The following GRM7 variants were observed in gnomAD, a reference collection of about 807,000 sequenced individuals.
The protein encoded by GRM7 is metabotropic glutamate receptor 7.
In GRM7, 35 loss-of-function variants were observed where a neutral mutation model predicts 84.5. The ratio of observed to expected loss-of-function variants is 0.41; its 90% CI spans 0.32 to 0.55. GRM7 has a LOEUF of 0.55. Ranked by LOEUF, GRM7 falls within the 20% of genes least tolerant of loss-of-function variation. GRM7 has a pLI of 0.19. For missense variants in GRM7, 1,003 were observed against 1,194.6 expected (o/e 0.84, Z 2.36); for synonymous variants, 487 against 455.1 (o/e 1.07, Z -0.89).
intron 4 of GRM7, among the ~76,000 whole-genome samples, chr3:7,348,338 C>T (rs1290949930): frequency 6.6e-6 from 1 of 152,096 alleles, no homozygotes; most frequent in African/African-American, 2.4e-5. Context: ...TCCTAATTTC[C>T]ATAGTCACAT....
intron 1 of GRM7, among the ~76,000 whole-genome samples, chr3:7,023,042 A>C (rs1047646320): frequency 2.0e-4 from 31 of 151,928 alleles, no homozygotes; most frequent in African/African-American, 6.0e-4. Flanking sequence ...ATGGATGGAC[A>C]TGGGAGGTGG....
At chr3:7,499,940 A>T (rs1182111702) in intron 7 of GRM7, among the ~76,000 whole-genome samples, 1 of 152,006 alleles carries the variant, frequency 6.6e-6, no homozygotes, top group Non-Finnish European at 1.5e-5. Context: ...ACGCCCGGCT[A>T]ATTTTTTGTA....
intron 1 of GRM7, among the ~76,000 whole-genome samples, chr3:7,020,583 G>A (rs1385421401): frequency 1.3e-5 from 2 of 152,078 alleles, no homozygotes; most frequent in Non-Finnish European, 2.9e-5. Context: ...TTTATACAAG[G>A]TACCCACACA....
At chr3:7,106,814 A>G (rs186087342) in intron 1 of GRM7, among the ~76,000 whole-genome samples, 5 of 152,164 alleles carry the variant, frequency 3.3e-5, no homozygotes, top group Admixed American at 3.3e-4. Flanking sequence ...TTCTATTTAC[A>G]ATGGCTATGA....
intron 7 of GRM7, among the ~76,000 whole-genome samples, chr3:7,492,783 A>G (rs994896588): frequency 2.0e-5 from 3 of 151,890 alleles, no homozygotes; most frequent in Non-Finnish European, 4.4e-5. Context: ...TCAGAGTATT[A>G]TTTTGACAAC....
At chr3:7,715,985 G>T (rs1701759095) in intron 9 of GRM7, among the ~76,000 whole-genome samples, 1 of 152,050 alleles carries the variant, frequency 6.6e-6, no homozygotes, top group Non-Finnish European at 1.5e-5. Flanking sequence ...CTCCTCCCCA[G>T]TGTTATTCTC....
At chr3:7,247,223 A>T (rs1697797764) in intron 2 of GRM7, among the ~76,000 whole-genome samples, 1 of 152,148 alleles carries the variant, frequency 6.6e-6, no homozygotes, top group Non-Finnish European at 1.5e-5. Flanking sequence ...GAATATATTC[A>T]TGACTTTGGG....
At chr3:6,957,128 C>G (rs966806998) in intron 1 of GRM7, among the ~76,000 whole-genome samples, 2 of 152,144 alleles carry the variant, frequency 1.3e-5, no homozygotes, top group Non-Finnish European at 2.9e-5. Flanking sequence ...TTTAAGATTG[C>G]CTTTGGACCC....
chr3:6,935,688 T>C (rs1697665903), intron 1 of GRM7, among the ~76,000 whole-genome samples: 1 of 145,046 alleles, frequency 6.9e-6, no homozygotes, highest in Non-Finnish European at 1.5e-5. Context: ...ATTATTATTA[T>C]TATTATTATT....
At chr3:7,309,753 G>C (rs984122) in intron 4 of GRM7, among the ~76,000 whole-genome samples, 26,111 of 152,008 alleles carry the variant, frequency 0.17, 6,652 homozygotes, top group African/African-American at 0.56. Context: ...GGGAACTTTA[G>C]TGTTTCTTAG....
In GRM7 at chr3:6,955,265, G is replaced by T. The variant is rs145129023; in HGVS notation, c.519+93358G>T. Among the ~76,000 whole-genome samples, 3 of 152,324 alleles carry T rather than the reference G, an allele frequency of 2.0e-5. No homozygotes were observed. In the South Asian group the frequency reaches 6.2e-4, roughly 32 times the overall value. ...AAGAATAGAATGACGGCCGGGGCTG[G>T]TGGCTTACGCCTGTAATCCCAGCAC... is the stretch of plus-strand genomic sequence containing the variant. On this transcript the variant is annotated intron_variant, in intron 1 of 9. Transcript: ENST00000357716.
intron 1 of GRM7, among the ~76,000 whole-genome samples, chr3:7,003,924 T>C (rs1575119618): frequency 1.3e-5 from 2 of 152,300 alleles, no homozygotes; most frequent in East Asian, 1.9e-4. Flanking sequence ...TTGTCTGGCA[T>C]TGGAGGCTCT....
chr3:6,984,851 T>C (rs1395786429), intron 1 of GRM7, among the ~76,000 whole-genome samples: 1 of 152,192 alleles, frequency 6.6e-6, no homozygotes, highest in South Asian at 2.1e-4. Flanking sequence ...CTTTTTCCCA[T>C]TGGAACTGAG....
chr3:7,684,521 A>G (rs1014778563), intron 9 of GRM7, among the ~76,000 whole-genome samples: 17 of 152,166 alleles, frequency 1.1e-4, no homozygotes, highest in Admixed American at 8.5e-4. Flanking sequence ...CATCTGGTGC[A>G]TGCATGCTTC....
At chr3:7,470,149 T>C (rs1698640274) in intron 7 of GRM7, among the ~76,000 whole-genome samples, 1 of 152,194 alleles carries the variant, frequency 6.6e-6, no homozygotes. Context: ...CCCACTAGCA[T>C]TTTATTTCAT....
intron 1 of GRM7, among the ~76,000 whole-genome samples, chr3:6,983,338 G>A (rs1034634187): frequency 3.3e-5 from 5 of 152,118 alleles, no homozygotes; most frequent in African/African-American, 1.2e-4. Context: ...AATTAGGCCT[G>A]ATATTTTCAG....
intron 5 of GRM7, among the ~76,000 whole-genome samples, chr3:7,439,825 T>C (rs36069901): frequency 0.35 from 52,891 of 151,548 alleles, 10,692 homozygotes; most frequent in Non-Finnish European, 0.48. Flanking sequence ...TAAGGTTGCA[T>C]TGAGGAGTAG....
At chr3:7,738,043 T>C (rs1392748243) in intron 9 of GRM7, among the ~76,000 whole-genome samples, 9 of 152,070 alleles carry the variant, frequency 5.9e-5, no homozygotes, top group African/African-American at 2.2e-4. Context: ...GAGATGGGGT[T>C]TCACCATGTT....
rs58274974 is a variant in GRM7, at chr3:6,898,825, CAA to C, written c.519+36929_519+36930del. Reference sequence around the variant, plus strand: ...AGTATGAGATTCTATCTCAAAAAAACAAAAAAAAAAAATGAAGAAAGAAAAGA... The same window carrying C: ...AGTATGAGATTCTATCTCAAAAAAACAAAAAAAAAATGAAGAAAGAAAAGA... On this transcript the variant is annotated intron_variant, in intron 1 of 9. Coordinates refer to ENST00000357716, the MANE Select transcript of GRM7 (RefSeq NM_000844.4). Among the ~76,000 whole-genome samples the C allele has an allele frequency of 7.9e-4, 113 of 142,702 alleles. 1 individual carries two copies. Among genetic ancestry groups the C allele is most frequent in the African/African-American group, 1.6e-3 (65 of 39,618 alleles). The allele number at this position is 142,702 out of a possible 152,430, so 93.6% of individuals were successfully genotyped here.
Sources: gnomAD v4.1 joint callset for allele counts (sites outside exome capture counted in the v4.1 genomes callset) on GRCh38, gnomAD v4.1.1 for gene constraint, MANE v1.5 for transcripts, NCBI Gene and HGNC (gene_info 2026-07-23, HGNC 2026-07-21) for gene names.